The following SLC39A11 variants were observed in gnomAD, a reference collection of about 807,000 sequenced individuals.
SLC39A11 encodes the protein solute carrier family 39 member 11.
Under a neutral mutation model 36.1 loss-of-function variants are expected in SLC39A11, and 33 were observed. The observed-to-expected ratio is 0.91, with a 90% CI of 0.69 to 1.22. The LOEUF is 1.22. Among genes scored for constraint, SLC39A11 ranks in the 50% most tolerant of loss-of-function variants. SLC39A11 has a pLI of 0.00. For synonymous variants in SLC39A11, 166 were observed against 170.3 expected, an observed-to-expected ratio of 0.97 and a Z score of 0.20; for missense variants, 432 against 430.3, an observed-to-expected ratio of 1.00 and a Z score of -0.03.
In SLC39A11 at chr17:73,054,611, T is replaced by C. The variant is rs566818258; in HGVS notation, c.148-22897A>G. On this transcript the variant is annotated intron_variant, in intron 3 of 9. Coordinates refer to ENST00000255559, the MANE Select transcript of SLC39A11 (RefSeq NM_139177.4). ...TCACTTGAGGTCAGGAGTTCGAAAC[T>C]GGCCTGGCCAACATGGTGAAACCCC... is the stretch of plus-strand genomic sequence containing the variant. Among the ~76,000 whole-genome samples the C allele has an allele frequency of 2.0e-5, 3 of 151,776 alleles. No homozygotes were observed. The East Asian group carries it at 5.9e-4, about 30-fold the overall frequency.
intron 5 of SLC39A11, among the ~76,000 whole-genome samples, chr17:72,854,589 C>T (rs2079542002): frequency 6.6e-6 from 1 of 152,100 alleles, no homozygotes; most frequent in African/African-American, 2.4e-5. Context: ...ATGCTAAGCC[C>T]ACAACACAGG....
At chr17:72,838,148 T>G in intron 6 of SLC39A11, 1 of 413,498 alleles carries the variant, frequency 2.4e-6, no homozygotes, top group Non-Finnish European at 4.2e-6. Flanking sequence ...AAATTAAAAA[T>G]TAAAAAGATA....
chr17:73,085,844 C>T (rs2060712214), intron 2 of SLC39A11, among the ~76,000 whole-genome samples: 2 of 152,032 alleles, frequency 1.3e-5, no homozygotes, highest in Admixed American at 6.6e-5. Flanking sequence ...CTAGAAACTA[C>T]CCAAACTCTC....
intron 5 of SLC39A11, among the ~76,000 whole-genome samples, chr17:72,864,448 A>G (rs1247672189): frequency 6.6e-6 from 1 of 152,092 alleles, no homozygotes; most frequent in Non-Finnish European, 1.5e-5. Flanking sequence ...GAGCCCAGCT[A>G]AAGGTGGACA....
intron 6 of SLC39A11, among the ~76,000 whole-genome samples, chr17:72,764,544 C>T (rs2075700030): frequency 1.3e-5 from 2 of 152,058 alleles, no homozygotes; most frequent in Admixed American, 6.6e-5. Context: ...CTTGTGTACC[C>T]CTTCAGTGAC....
At chr17:72,927,851 T>A (rs1002244803) in intron 5 of SLC39A11, among the ~76,000 whole-genome samples, 14 of 151,512 alleles carry the variant, frequency 9.2e-5, no homozygotes, top group African/African-American at 3.4e-4. Flanking sequence ...ACACACACAC[T>A]GGAAAGCCCA....
intron 5 of SLC39A11, among the ~76,000 whole-genome samples, chr17:72,854,606 C>T (rs1352033571): frequency 6.6e-6 from 1 of 152,138 alleles, no homozygotes; most frequent in Non-Finnish European, 1.5e-5. Context: ...CAGGCTTATA[C>T]TTCTTTTGGG....
chr17:72,864,937 GC>G, intron 5 of SLC39A11, among the ~76,000 whole-genome samples: 1 of 152,144 alleles, frequency 6.6e-6, no homozygotes. Context: ...AAAGATGAAA[GC>G]ATGGCTGTTT....
chr17:72,825,771 C>A (rs1436969827), intron 6 of SLC39A11, among the ~76,000 whole-genome samples: 1 of 152,212 alleles, frequency 6.6e-6, no homozygotes, highest in Non-Finnish European at 1.5e-5. Flanking sequence ...TTAATGACTG[C>A]CCTGCTGGGT....
chr17:72,793,799 G>C (rs2076799136), intron 6 of SLC39A11, among the ~76,000 whole-genome samples: 1 of 152,172 alleles, frequency 6.6e-6, no homozygotes, highest in East Asian at 1.9e-4. Flanking sequence ...GAAAGGAAAT[G>C]AATAACAATG....
At chr17:72,722,547 CTT>C (rs1304287784) in intron 7 of SLC39A11, among the ~76,000 whole-genome samples, 1 of 152,026 alleles carries the variant, frequency 6.6e-6, no homozygotes, top group Non-Finnish European at 1.5e-5. Context: ...TTTGGAAGGT[CTT>C]TGGTCTTTCT....
At chr17:72,784,408 A>T (rs1212784694) in intron 6 of SLC39A11, among the ~76,000 whole-genome samples, 1 of 152,106 alleles carries the variant, frequency 6.6e-6, no homozygotes, top group Non-Finnish European at 1.5e-5. Flanking sequence ...CAGAGCAAAG[A>T]TGTCTAAGAA....
At chr17:72,716,962 C>G (rs2073399488) in intron 7 of SLC39A11, among the ~76,000 whole-genome samples, 1 of 129,358 alleles carries the variant, frequency 7.7e-6, no homozygotes, top group Non-Finnish European at 1.6e-5. Flanking sequence ...GAGGGAGACC[C>G]TGTCTCAAAA....
intron 6 of SLC39A11, among the ~76,000 whole-genome samples, chr17:72,773,677 A>ACACACC (rs1555667408): frequency 6.7e-6 from 1 of 148,516 alleles, no homozygotes; most frequent in Non-Finnish European, 1.5e-5. Flanking sequence ...ACACACACAC[A>ACACACC]CCCAGTATAT....
At position 72,753,305 on chromosome 17, in the gene SLC39A11, A is replaced by C. The variant is rs2075226170; in HGVS notation, c.602-16586T>G. Reference sequence around the variant, plus strand: ...CCACATGCCTGCACACATACCTTACATCTTTGACTTTGTGTTTGGGAACTG... The same window carrying C: ...CCACATGCCTGCACACATACCTTACCTCTTTGACTTTGTGTTTGGGAACTG... On this transcript the variant is annotated intron_variant, in intron 6 of 9. Coordinates refer to ENST00000255559, the MANE Select transcript of SLC39A11 (RefSeq NM_139177.4). Among the ~76,000 whole-genome samples, 3 of 152,100 alleles carry C rather than the reference A, an allele frequency of 2.0e-5. No individual in the cohort carries two copies. The South Asian group carries it at 6.2e-4, about 32-fold the overall frequency.
chr17:72,743,838 T>G (rs1280372777), intron 6 of SLC39A11, among the ~76,000 whole-genome samples: 1 of 152,250 alleles, frequency 6.6e-6, no homozygotes, highest in African/African-American at 2.4e-5. Flanking sequence ...CAACTCATAC[T>G]GTGAATAACT....
rs192856549 is a variant in SLC39A11 at position 72,669,690 on chromosome 17, G to T, written c.672-20422C>A. On this transcript the variant is annotated intron_variant, in intron 7 of 9. Transcript: ENST00000255559. ...TTTATAGTTAGTAAAAATTTGAAGG[G>T]AGATACCAATATGCCAATATCAGCC... Among the ~76,000 whole-genome samples the T allele has an allele frequency of 1.3e-3, 203 of 152,176 alleles. 1 individual carries two copies. The highest frequency in any genetic ancestry group is 4.7e-3 in the African/African-American group (195 of 41,518).
Position 72,732,040 on chromosome 17 carries a change from C to CTTT in SLC39A11, c.671+4607_671+4609dup, listed in dbSNP as rs764728558. 5.9e-4 allele frequency among the ~76,000 whole-genome samples: 20 copies of CTTT among 33,666 alleles called. 1 individual carries two copies. Among genetic ancestry groups the CTTT allele is most frequent in the African/African-American group, 1.5e-3 (13 of 8,404 alleles). 22.1% of individuals were successfully genotyped at this position (33,666 alleles called of 152,430 possible). On this transcript the variant is annotated intron_variant, in intron 7 of 9. Transcript: ENST00000255559. Reference sequence around the variant, plus strand: ...TTTCTTTATTTTTTTCTTTTCTTTTCTTTTTTTTTTTTTTTTTTTTTTTTT... The same window carrying CTTT: ...TTTCTTTATTTTTTTCTTTTCTTTTCTTTTTTTTTTTTTTTTTTTTTTTTTTTT...
chr17:72,681,329 T>C (rs1598328039), intron 7 of SLC39A11, among the ~76,000 whole-genome samples: 2 of 152,148 alleles, frequency 1.3e-5, no homozygotes, highest in Non-Finnish European at 2.9e-5. Context: ...AGGAGCATCA[T>C]AGGAGCAGCT....
Sources: gnomAD v4.1 joint callset for allele counts (sites outside exome capture counted in the v4.1 genomes callset) on GRCh38, gnomAD v4.1.1 for gene constraint, MANE v1.5 for transcripts, NCBI Gene and HGNC (gene_info 2026-07-23, HGNC 2026-07-21) for gene names.